Variants in STS observed in about 807,000 individuals in gnomAD.
STS encodes the protein steroid sulfatase, also known as steryl-sulfatase.
STS carries 7 observed loss-of-function variants against 26.8 expected under a neutral mutation model. That is an observed-to-expected ratio of 0.26 (90% CI 0.15 to 0.49). The LOEUF is 0.49. STS is among the 20% of genes least tolerant of loss of function. The probability of loss-of-function intolerance (pLI) is 0.98; values close to 1 mark genes in which losing one functional copy is unlikely to be tolerated. For missense variants in STS, 434 were observed against 465.6 expected, an observed-to-expected ratio of 0.93 and a Z score of 0.63; for synonymous variants, 199 against 189.4, an observed-to-expected ratio of 1.05 and a Z score of -0.42.
chrX:7,278,901 A>G (rs1924668997), intron 7 of STS, among the ~76,000 whole-genome samples: 1 of 111,450 alleles, frequency 9.0e-6, no homozygotes. Context: ...TTCATAGGAG[A>G]AAAGACATAC....
At chrX:7,339,588 T>G (rs1928189122) in intron 10 of STS, among the ~76,000 whole-genome samples, 1 of 112,436 alleles carries the variant, frequency 8.9e-6, no homozygotes, top group Non-Finnish European at 1.9e-5. Flanking sequence ...TACTTGTAAT[T>G]GTAGCAACAC....
chrX:7,168,508 G>A (rs1423573158), intron 1 of STS, among the ~76,000 whole-genome samples: 1 of 111,757 alleles, frequency 8.9e-6, no homozygotes, highest in African/African-American at 3.3e-5. Context: ...AATGTGTCTA[G>A]GGGCTGTGGC....
intron 6 of STS, among the ~76,000 whole-genome samples, chrX:7,269,202 C>T (rs1402283747): frequency 6.4e-5 from 6 of 94,211 alleles, no homozygotes; most frequent in African/African-American, 1.6e-4. Flanking sequence ...CCTCTGGTTT[C>T]GGGCTGAGCA....
Position 7,354,422 on chromosome X carries a change from G to A in STS, c.*4161G>A, listed in dbSNP as rs1928925887. 9.0e-6 allele frequency: 1 copy of A among 111,523 alleles called. No individual in the cohort carries two copies. Among genetic ancestry groups the A allele is most frequent in the Non-Finnish European group, 1.9e-5 (1 of 53,158 alleles). The allele number at this position is 111,523 out of a possible 1,213,427, so 9.2% of individuals were successfully genotyped here. A position where few individuals can be genotyped will look rare whatever the true frequency, so the allele number is the denominator to read the frequency against. On this transcript the variant is annotated 3_prime_UTR_variant, in exon 11 of 11. Transcript: ENST00000674429. ...TTACTGTGCTTTAATAGGTAGCATTGAAAAATTTTTTTCTTTGACATCATT... is the reference window on the plus strand; with the variant it reads ...TTACTGTGCTTTAATAGGTAGCATTAAAAAATTTTTTTCTTTGACATCATT...
intron 2 of STS, among the ~76,000 whole-genome samples, chrX:7,211,603 C>G (rs1921033989): frequency 8.9e-6 from 1 of 112,047 alleles, no homozygotes; most frequent in African/African-American, 3.2e-5. Flanking sequence ...TGGCCTTGCC[C>G]CTTGTAGAAA....
chrX:7,151,813 C>T (rs1174648126), intron 1 of STS, among the ~76,000 whole-genome samples: 1 of 111,530 alleles, frequency 9.0e-6, no homozygotes, highest in African/African-American at 3.3e-5. Context: ...ATCCCAGCTG[C>T]CACCCCCAGA....
intron 8 of STS, among the ~76,000 whole-genome samples, chrX:7,314,955 G>A (rs1926647934): frequency 8.9e-6 from 1 of 111,875 alleles, no homozygotes; most frequent in Admixed American, 9.5e-5. Context: ...GATAGTCAAA[G>A]GTCAAGCTGT....
At chrX:7,230,140 G>C (rs1164769850) in intron 2 of STS, among the ~76,000 whole-genome samples, 1 of 110,677 alleles carries the variant, frequency 9.0e-6, no homozygotes, top group East Asian at 2.8e-4. Flanking sequence ...CTCTCGCTTT[G>C]GCCCCCCAAA....
At chrX:7,149,008 G>T (rs1932953153) in intron 1 of STS, among the ~76,000 whole-genome samples, 1 of 108,085 alleles carries the variant, frequency 9.3e-6, no homozygotes, top group South Asian at 3.9e-4. Context: ...TTTCTATTTC[G>T]TGTTCGTTTA....
In STS at chrX:7,235,637, C is replaced by CA. The variant is rs765085154; in HGVS notation, c.-4-17558dup. 7.2e-5 allele frequency among the ~76,000 whole-genome samples: 8 copies of CA among 111,606 alleles called. No individual in the cohort carries two copies. In the Admixed American group the frequency reaches 7.6e-4, roughly 11 times the overall value. On this transcript the variant is annotated intron_variant, in intron 2 of 10. Coordinates refer to ENST00000674429, the MANE Select transcript of STS (RefSeq NM_001320752.2). ...ATTTTTTAAAAATTGGCCAGACAGA[C>CA]ACAGTGGCTTGTGCCTATGGTCTCA... is the stretch of plus-strand genomic sequence containing the variant.
intron 1 of STS, among the ~76,000 whole-genome samples, chrX:7,171,451 A>G (rs1224610755): frequency 1.8e-5 from 2 of 111,661 alleles, no homozygotes; most frequent in Non-Finnish European, 3.8e-5. Context: ...AGAGGATGGA[A>G]CCAATGGCCA....
At chrX:7,298,564 T>G (rs1925774770) in intron 7 of STS, among the ~76,000 whole-genome samples, 1 of 111,471 alleles carries the variant, frequency 9.0e-6, no homozygotes, top group Non-Finnish European at 1.9e-5. Context: ...AAGAATTCCC[T>G]TTCTGGGACT....
intron 7 of STS, among the ~76,000 whole-genome samples, chrX:7,282,584 T>G (rs2147114799): frequency 8.9e-6 from 1 of 112,536 alleles, no homozygotes; most frequent in African/African-American, 3.2e-5. Context: ...CCTGGTTACA[T>G]GAATACAGAG....
intron 1 of STS, among the ~76,000 whole-genome samples, chrX:7,150,857 C>T (rs991865095): frequency 8.9e-6 from 1 of 112,121 alleles, no homozygotes; most frequent in African/African-American, 3.2e-5. Flanking sequence ...TAGTTTTTAG[C>T]TTTTCATAAT....
At chrX:7,217,204 T>G (rs755787315) in intron 2 of STS, among the ~76,000 whole-genome samples, 134 of 111,262 alleles carry the variant, frequency 1.2e-3, no homozygotes, top group African/African-American at 4.2e-3. Flanking sequence ...CTGAGGAGCC[T>G]GATCCCTGAT....
rs773396652 is a variant in STS, at chrX:7,204,481, CTCCCTCCCTTCCTTCCTCCCTCCCTCCT to C, written c.-5+13475_-5+13502del. On this transcript the variant is annotated intron_variant, in intron 2 of 10. Coordinates refer to ENST00000674429, the MANE Select transcript of STS (RefSeq NM_001320752.2). ...TCTGTTGATTCCCCTTCTTTCCTTC[CTCCCTCCCTTCCTTCCTCCCTCCCTCCT>C]TTCCTCCCTTCCTCCCTCCCTCCCT... Among the ~76,000 whole-genome samples the C allele has an allele frequency of 3.5e-3, 369 of 106,037 alleles. 1 individual carries two copies. The highest frequency in any genetic ancestry group is 0.012 in the African/African-American group (355 of 29,010). 92.1% of individuals were successfully genotyped at this position (106,037 alleles called of 115,157 possible).
intron 2 of STS, among the ~76,000 whole-genome samples, chrX:7,226,595 T>TATATAAGAG (rs1157583249): frequency 9.0e-6 from 1 of 111,722 alleles, no homozygotes; most frequent in Non-Finnish European, 1.9e-5. Context: ...CAACAAGTGA[T>TATATAAGAG]ATATAAGAGT....
chrX:7,220,190 G>T (rs1921486940), intron 2 of STS, among the ~76,000 whole-genome samples: 1 of 111,487 alleles, frequency 9.0e-6, no homozygotes, highest in Non-Finnish European at 1.9e-5. Context: ...TTGTCTATGG[G>T]CTGTCGGAAT....
At chrX:7,180,379 G>A (rs183355762) in intron 1 of STS, among the ~76,000 whole-genome samples, 1 of 111,788 alleles carries the variant, frequency 8.9e-6, no homozygotes, top group East Asian at 2.8e-4. Context: ...ACACTCCTAT[G>A]AGAATCTAAT....
Sources: gnomAD v4.1 joint callset for allele counts (sites outside exome capture counted in the v4.1 genomes callset) on GRCh38, gnomAD v4.1.1 for gene constraint, MANE v1.5 for transcripts, NCBI Gene and HGNC (gene_info 2026-07-23, HGNC 2026-07-21) for gene names.